The following TMEM59 variants were observed in gnomAD, a reference collection of about 807,000 sequenced individuals.
TMEM59 encodes transmembrane protein 59, also known as dendritic cell factor 1.
Under a neutral mutation model 42.2 loss-of-function variants are expected in TMEM59, and 44 were observed. That is an observed-to-expected ratio of 1.04 (90% CI 0.82 to 1.34). The LOEUF (loss-of-function observed/expected upper bound fraction) is 1.34. Among genes scored for constraint, TMEM59 ranks in the 40% most tolerant of loss-of-function variants. The probability of loss-of-function intolerance (pLI) is 0.00; values close to 1 mark genes in which losing one functional copy is unlikely to be tolerated. For synonymous variants in TMEM59, 148 were observed against 145.8 expected, an observed-to-expected ratio of 1.02 and a Z score of -0.11; for missense variants, 359 against 382.8, an observed-to-expected ratio of 0.94 and a Z score of 0.52.
At chr1:54,038,331 T>C (rs1029737662) in intron 6 of TMEM59, among the ~76,000 whole-genome samples, 3 of 152,236 alleles carry the variant, frequency 2.0e-5, no homozygotes, top group African/African-American at 7.2e-5. Context: ...CTATCTCACC[T>C]GTCAATCCTC....
intron 6 of TMEM59, among the ~76,000 whole-genome samples, chr1:54,038,576 A>G (rs1657031953): frequency 6.6e-6 from 1 of 152,248 alleles, no homozygotes; most frequent in African/African-American, 2.4e-5. Context: ...TGTCTCTTTA[A>G]CAGCTACGAC....
At chr1:54,036,490 A>G in intron 7 of TMEM59, 120 bp downstream of exon 7, 1 of 688,158 alleles carries the variant, frequency 1.5e-6, no homozygotes, top group South Asian at 2.7e-5. Flanking sequence ...CCACATTAAA[A>G]CCACCACATC....
Position 54,052,862 on chromosome 1 carries a change from A to AGCTACACAGGAGCTACACAGGAGCT in TMEM59, c.189+137_189+138insAGCTCCTGTGTAGCTCCTGTGTAGC, listed in dbSNP as rs1369926005. 5.1e-6 allele frequency: 5 copies of AGCTACACAGGAGCTACACAGGAGCT among 981,216 alleles called. No individual in the cohort carries two copies. In the African/African-American group the frequency reaches 8.2e-5, roughly 16 times the overall value. The allele number at this position is 981,216 out of a possible 1,614,324, so 60.8% of individuals were successfully genotyped here. ...TGGGGTGCAGGCAGGATTAGGGAGG[A>AGCTACACAGGAGCTACACAGGAGCT]AAACAGGAGCTACACAGATGGGAGA... On this transcript the variant is annotated intron_variant, in intron 1 of 7. Coordinates refer to ENST00000234831, the MANE Select transcript of TMEM59 (RefSeq NM_004872.5).
chr1:54,037,296 TAA>T (rs961763496), intron 6 of TMEM59, among the ~76,000 whole-genome samples: 5 of 152,230 alleles, frequency 3.3e-5, no homozygotes, highest in African/African-American at 4.8e-5. Context: ...CATATCTCAG[TAA>T]AGAGATAGTT....
At chr1:54,042,046 G>GTTTTTTTTTTTTTTTTT (rs1253767145) in intron 4 of TMEM59, among the ~76,000 whole-genome samples, 1 of 142,682 alleles carries the variant, frequency 7.0e-6, no homozygotes, top group African/African-American at 2.8e-5. Flanking sequence ...TCCTGACAAC[G>GTTTTTTTTTTTTTTTTT]TTTTGTTTTG....
chr1:54,039,420 A>C (rs1657063848), intron 6 of TMEM59, among the ~76,000 whole-genome samples: 1 of 152,214 alleles, frequency 6.6e-6, no homozygotes. Context: ...TCAAACTGCA[A>C]CATACATCCT....
At position 54,049,373 on chromosome 1, in the gene TMEM59, T is replaced by C. The variant is rs145166313; in HGVS notation, c.190-2001A>G. Among the ~76,000 whole-genome samples, 296 of 152,356 alleles carry C rather than the reference T, an allele frequency of 1.9e-3. 2 individuals are homozygous for C. Among genetic ancestry groups the C allele is most frequent in the African/African-American group, 6.9e-3 (285 of 41,594 alleles). The stretch of plus-strand genomic sequence containing the variant: ...CTACAATAGCATTACTACTATGTAG[T>C]ACTATCTAATAGACAGACATATTTA... On this transcript the variant is annotated intron_variant, in intron 1 of 7. Transcript: ENST00000234831.
At chr1:54,049,944 C>CT (rs959275623) in intron 1 of TMEM59, among the ~76,000 whole-genome samples, 1 of 152,296 alleles carries the variant, frequency 6.6e-6, no homozygotes. Context: ...AATGACCAGG[C>CT]TGGCTCTAAT....
In TMEM59 at chr1:54,028,394, T is replaced by G. The variant is rs1284248884; in HGVS notation, c.*3756A>C. ...CTTTCTGGTCTATCTTCCACATTGC[T>G]GTCCGAGTGAATCATTCCAACACTG... is the stretch of plus-strand genomic sequence containing the variant. On this transcript the variant is annotated 3_prime_UTR_variant, in exon 8 of 8. Transcript: ENST00000234831. The G allele has an allele frequency of 6.6e-6, 1 of 152,258 alleles. No homozygotes were observed. The highest frequency in any genetic ancestry group is 1.5e-5 in the Non-Finnish European group (1 of 68,054). 9.4% of individuals were successfully genotyped at this position (152,258 alleles called of 1,614,324 possible). A position where few individuals can be genotyped will look rare whatever the true frequency, so the allele number is the denominator to read the frequency against.
chr1:54,052,781 TC>T (rs1219309090), intron 1 of TMEM59, among the ~76,000 whole-genome samples: 1 of 152,166 alleles, frequency 6.6e-6, no homozygotes, highest in East Asian at 1.9e-4. Flanking sequence ...CATCTTTGTG[TC>T]CCCCAGCCTA....
intron 7 of TMEM59, among the ~76,000 whole-genome samples, chr1:54,032,924 C>CTTTTTTT (rs746149150): frequency 7.2e-6 from 1 of 138,086 alleles, no homozygotes; most frequent in African/African-American, 2.6e-5. Flanking sequence ...GTCTCTGTCT[C>CTTTTTTT]TTTTTTTTTT....
intron 1 of TMEM59, among the ~76,000 whole-genome samples, chr1:54,049,302 T>C (rs1037075438): frequency 6.6e-6 from 1 of 152,240 alleles, no homozygotes; most frequent in Non-Finnish European, 1.5e-5. Flanking sequence ...GCCTGTATAA[T>C]TGCAGAGTGT....
At chr1:54,033,022 G>C (rs1205437333) in intron 7 of TMEM59, 1 of 151,724 alleles carries the variant, frequency 6.6e-6, no homozygotes, top group Admixed American at 6.6e-5. Flanking sequence ...TGAACTCCTG[G>C]GCTCAAGTGA....
At chr1:54,052,944 G>A in intron 1 of TMEM59, 56 bp downstream of exon 1, 1 of 1,556,820 alleles carries the variant, frequency 6.4e-7, no homozygotes, top group Non-Finnish European at 8.7e-7. Context: ...TACGTGTGGG[G>A]AGCCGAGAAA....
Position 54,045,785 on chromosome 1 carries a change from T to C in TMEM59, c.297A>G (p.Ala99=), listed in dbSNP as rs1657311759. The change falls in exon 3 of 8, where the codon GCA becomes GCG. Residue 99 remains alanine (A), a splice_region_variant and synonymous_variant. Coordinates refer to ENST00000234831, the MANE Select transcript of TMEM59 (RefSeq NM_004872.5). ...CAGATTGGGAATATGCTTCTGTACA[T>C]GCTGTAAGAGAAAAATAGTCAAATT... The part of the protein sequence containing the change: ...LNRTKLECES[A]CTEAYSQSDE... The C allele has an allele frequency of 6.2e-7, 1 of 1,605,826 alleles. No individual in the cohort carries two copies. Among genetic ancestry groups the C allele is most frequent in the African/African-American group, 1.3e-5 (1 of 74,774 alleles).
At chr1:54,039,870 C>T (rs564567599) in intron 6 of TMEM59, among the ~76,000 whole-genome samples, 1 of 152,150 alleles carries the variant, frequency 6.6e-6, no homozygotes, top group East Asian at 1.9e-4. Context: ...CATATCTGAA[C>T]TCCTTGGAGA....
intron 1 of TMEM59, among the ~76,000 whole-genome samples, chr1:54,052,066 G>T (rs941986239): frequency 5.3e-5 from 8 of 152,192 alleles, no homozygotes; most frequent in African/African-American, 1.9e-4. Flanking sequence ...GGAGATGAAG[G>T]AAAAACGAAG....
chr1:54,033,579 G>C (rs1162855180), intron 7 of TMEM59: 2 of 147,394 alleles, frequency 1.4e-5, no homozygotes, highest in Admixed American at 1.4e-4. Context: ...TCCAGCCTGG[G>C]GGACAGAGTG....
rs202004864 is a variant in TMEM59, at chr1:54,043,400, G to T, written c.516C>A (p.Ala172=). The change falls in exon 4 of 8, where the codon GCC becomes GCA. Residue 172 remains alanine, a synonymous_variant. Transcript: ENST00000234831. ...ITSSWTFYLQ[A]DDGKIVIFQS... ...GGAATATAACTATTTTTCCGTCATC[G>T]GCTTGAAGATAAAAAGTCCATGAAG... 2.1e-5 allele frequency: 32 copies of T among 1,553,612 alleles called. No individual in the cohort carries two copies. Among genetic ancestry groups the T allele is most frequent in the Non-Finnish European group, 2.8e-5 (32 of 1,152,528 alleles).
Sources: allele counts gnomAD v4.1 joint callset (sites outside exome capture counted in the v4.1 genomes callset), GRCh38; gene constraint gnomAD v4.1.1; transcripts MANE v1.5; gene names NCBI Gene and HGNC (gene_info 2026-07-23, HGNC 2026-07-21).